APPBP2: variants seen among roughly 807,000 people sequenced by gnomAD.
APPBP2 encodes amyloid protein-binding protein 2.
A neutral mutation model predicts 76.0 loss-of-function variants in APPBP2; 15 were observed. The ratio of observed to expected loss-of-function variants is 0.20; its 90% CI spans 0.13 to 0.30. APPBP2 has a LOEUF of 0.30. Ranked by LOEUF, APPBP2 falls within the 10% of genes least tolerant of loss-of-function variation. The pLI is 1.00. For missense variants in APPBP2, 401 were observed against 687.2 expected (o/e 0.58, Z 4.66); for synonymous variants, 222 against 242.2 (o/e 0.92, Z 0.77).
intron 1 of APPBP2, among the ~76,000 whole-genome samples, chr17:60,522,726 A>T (rs1261092850): frequency 6.6e-6 from 1 of 152,152 alleles, no homozygotes; most frequent in Non-Finnish European, 1.5e-5. Context: ...GACCAAAAAC[A>T]GGCAAGACTC....
intron 1 of APPBP2, among the ~76,000 whole-genome samples, chr17:60,521,193 C>T (rs2091007309): frequency 6.6e-6 from 1 of 152,174 alleles, no homozygotes; most frequent in Non-Finnish European, 1.5e-5. Flanking sequence ...ATTATGATCA[C>T]ATGCCACATA....
At chr17:60,503,013 CTTTTTTT>C (rs773905454) in intron 1 of APPBP2, among the ~76,000 whole-genome samples, 3 of 126,490 alleles carry the variant, frequency 2.4e-5, no homozygotes, top group Admixed American at 2.3e-4. Flanking sequence ...TTTAAATTTT[CTTTTTTT>C]TTTTTTTTTG....
At chr17:60,479,046 CAG>C in intron 4 of APPBP2, 100 bp downstream of exon 4, 1 of 1,151,924 alleles carries the variant, frequency 8.7e-7, no homozygotes, top group South Asian at 1.8e-5. Context: ...AATATCATCT[CAG>C]AGATTTACTC....
At chr17:60,448,812 T>A (rs527595179) in intron 12 of APPBP2, among the ~76,000 whole-genome samples, 14 of 152,324 alleles carry the variant, frequency 9.2e-5, no homozygotes, top group African/African-American at 2.9e-4. Flanking sequence ...CAGAAACTAA[T>A]GAGACTGGTT....
At position 60,526,193 on chromosome 17, in the gene APPBP2, C is replaced by G. The variant is rs1418660035; in HGVS notation, c.-262G>C. On this transcript the variant is annotated 5_prime_UTR_variant, in exon 1 of 13. Transcript: ENST00000083182. ...CGTCACAATCCCGGTTCGAGAGGAA[C>G]CCGGGTTCCGTCCCAGCGCTGATCT... 1 of 466,226 alleles carries G rather than the reference C, an allele frequency of 2.1e-6. No homozygotes were observed. The highest frequency in any genetic ancestry group is 2.1e-5 in the South Asian group (1 of 47,512). 28.9% of individuals were successfully genotyped at this position (466,226 alleles called of 1,614,324 possible).
chr17:60,500,559 A>G (rs1567936570), intron 1 of APPBP2, 72 bp from the exon 2 acceptor site: 2 of 1,072,886 alleles, frequency 1.9e-6, no homozygotes, highest in Admixed American at 2.3e-5. Flanking sequence ...ATATTTGATA[A>G]ATGTAATTTG....
At chr17:60,510,835 G>A (rs1332755185) in intron 1 of APPBP2, among the ~76,000 whole-genome samples, 1 of 152,108 alleles carries the variant, frequency 6.6e-6, no homozygotes, top group Non-Finnish European at 1.5e-5. Context: ...CTTCATTAAA[G>A]TGTCATTTCA....
intron 3 of APPBP2, among the ~76,000 whole-genome samples, chr17:60,484,583 A>T (rs1413928652): frequency 6.6e-6 from 1 of 152,144 alleles, no homozygotes; most frequent in African/African-American, 2.4e-5. Context: ...TTGTATCCTG[A>T]GACTTTAAGG....
intron 2 of APPBP2, among the ~76,000 whole-genome samples, chr17:60,499,251 G>C (rs553196536): frequency 1.3e-5 from 2 of 151,714 alleles, no homozygotes; most frequent in East Asian, 3.9e-4. Context: ...GGATGGCTTT[G>C]AGCCAAGGAG....
chr17:60,462,160 A>C lies in APPBP2; in HGVS notation c.763-99T>G, dbSNP rs74659746. 2,062 of 903,420 alleles carry C rather than the reference A, an allele frequency of 2.3e-3. 38 individuals are homozygous for C. In the African/African-American group the frequency reaches 0.032, roughly 14 times the overall value. 56.0% of individuals were successfully genotyped at this position (903,420 alleles called of 1,614,324 possible). On this transcript the variant is annotated intron_variant, in intron 6 of 12. Coordinates refer to ENST00000083182, the MANE Select transcript of APPBP2 (RefSeq NM_006380.5). ...TCTGGCTATAAGAGTTAATAAGAAAAAAAACCCTCCAAACATAAATACAAA... is the reference window on the plus strand; with the variant it reads ...TCTGGCTATAAGAGTTAATAAGAAACAAAACCCTCCAAACATAAATACAAA...
intron 1 of APPBP2, among the ~76,000 whole-genome samples, chr17:60,517,297 A>T (rs757579100): frequency 6.6e-6 from 1 of 152,090 alleles, no homozygotes; most frequent in African/African-American, 2.4e-5. Flanking sequence ...ATTAATGTAC[A>T]GTTCTTTCTT....
At chr17:60,525,416 C>G (rs1262343555) in intron 1 of APPBP2, among the ~76,000 whole-genome samples, 1 of 152,100 alleles carries the variant, frequency 6.6e-6, no homozygotes, top group East Asian at 1.9e-4. Flanking sequence ...AAAAGTCCAG[C>G]TGATGCTGAC....
At chr17:60,476,392 T>G (rs2090591333) in intron 4 of APPBP2, among the ~76,000 whole-genome samples, 1 of 152,198 alleles carries the variant, frequency 6.6e-6, no homozygotes, top group African/African-American at 2.4e-5. Context: ...AAAACACTTC[T>G]TTTCTAATTC....
chr17:60,487,758 C>T (rs8081796), intron 3 of APPBP2, among the ~76,000 whole-genome samples: 12,525 of 152,226 alleles, frequency 0.082, 1,710 homozygotes, highest in African/African-American at 0.28. Context: ...GCTGCAATCC[C>T]TTGGAGGAGA....
At chr17:60,524,384 G>A (rs2091033475) in intron 1 of APPBP2, among the ~76,000 whole-genome samples, 1 of 152,104 alleles carries the variant, frequency 6.6e-6, no homozygotes, top group African/African-American at 2.4e-5. Flanking sequence ...TTCCTGGGGA[G>A]GAATGTATCT....
At chr17:60,471,281 C>T (rs2090550631) in intron 4 of APPBP2, among the ~76,000 whole-genome samples, 2 of 152,044 alleles carry the variant, frequency 1.3e-5, no homozygotes, top group South Asian at 4.1e-4. Flanking sequence ...AGTTTTACTT[C>T]TTCCTTTCCA....
At chr17:60,456,064 C>T (rs2090428999) in intron 10 of APPBP2, among the ~76,000 whole-genome samples, 1 of 152,168 alleles carries the variant, frequency 6.6e-6, no homozygotes, top group African/African-American at 2.4e-5. Context: ...AGGCATAAGC[C>T]ACCCCATCCG....
At chr17:60,511,582 G>GAAAAAA (rs397946277) in intron 1 of APPBP2, among the ~76,000 whole-genome samples, 1 of 116,694 alleles carries the variant, frequency 8.6e-6, no homozygotes, top group Non-Finnish European at 1.9e-5. Flanking sequence ...AGACTCCATT[G>GAAAAAA]AAAAAAAAAA....
intron 2 of APPBP2, among the ~76,000 whole-genome samples, chr17:60,498,130 A>G (rs909968449): frequency 3.4e-5 from 5 of 147,814 alleles, no homozygotes; most frequent in African/African-American, 9.8e-5. Flanking sequence ...CCTGGCTCCA[A>G]AAAAAAAAAA....
Sources: allele counts gnomAD v4.1 joint callset (sites outside exome capture counted in the v4.1 genomes callset), GRCh38; gene constraint gnomAD v4.1.1; transcripts MANE v1.5; gene names NCBI Gene and HGNC (gene_info 2026-07-23, HGNC 2026-07-21).